The following PLPPR1 variants were observed in gnomAD, a reference collection of about 807,000 sequenced individuals.
PLPPR1 encodes the protein phospholipid phosphatase related 1.
In PLPPR1, 10 loss-of-function variants were observed where a neutral mutation model predicts 33.1. The ratio of observed to expected loss-of-function variants is 0.30; its 90% CI spans 0.19 to 0.51. The LOEUF (loss-of-function observed/expected upper bound fraction) is 0.51, where lower values mean the gene tolerates loss of function less well. Ranked by LOEUF, PLPPR1 falls within the 20% of genes least tolerant of loss-of-function variation. The pLI, the probability that PLPPR1 is intolerant of heterozygous loss-of-function variation, is 0.97. For synonymous variants in PLPPR1, 151 were observed against 151.0 expected (o/e 1.00, Z 0.00); for missense variants, 304 against 408.1 (o/e 0.74, Z 2.20).
chr9:101,180,129 TATATATATATATATACACACACAC>T (rs1564167564), intron 1 of PLPPR1, among the ~76,000 whole-genome samples: 11 of 36,142 alleles, frequency 3.0e-4, no homozygotes, highest in African/African-American at 5.8e-4. Context: ...TATATATATA[TATATATATATATATACACACACAC>T]ACACACACAT....
At chr9:101,033,387 G>GGGT (rs959340589) in intron 1 of PLPPR1, among the ~76,000 whole-genome samples, 32 of 152,212 alleles carry the variant, frequency 2.1e-4, no homozygotes, top group Middle Eastern at 3.4e-3. Flanking sequence ...ATTGATTTTG[G>GGGT]GGTGACACCA....
At chr9:101,046,475 T>C (rs1418135891) in intron 1 of PLPPR1, among the ~76,000 whole-genome samples, 1 of 145,088 alleles carries the variant, frequency 6.9e-6, no homozygotes, top group Non-Finnish European at 1.5e-5. Context: ...AGTCTCGCCA[T>C]GTCGCCCAGG....
At chr9:101,296,909 C>T (rs1046906367) in intron 4 of PLPPR1, among the ~76,000 whole-genome samples, 1 of 151,864 alleles carries the variant, frequency 6.6e-6, no homozygotes, top group Non-Finnish European at 1.5e-5. Flanking sequence ...AACTAACCTG[C>T]ACATTGTGCA....
intron 2 of PLPPR1, among the ~76,000 whole-genome samples, chr9:101,255,748 A>C (rs1159286620): frequency 6.6e-6 from 1 of 152,180 alleles, no homozygotes; most frequent in Non-Finnish European, 1.5e-5. Context: ...AGAAAACAAC[A>C]TGCAACTGAG....
At chr9:101,215,522 CCCTG>C (rs1826776289) in intron 2 of PLPPR1, among the ~76,000 whole-genome samples, 1 of 152,044 alleles carries the variant, frequency 6.6e-6, no homozygotes, top group African/African-American at 2.4e-5. Flanking sequence ...CTCGTGATCC[CCCTG>C]CCTAAGTGCA....
intron 1 of PLPPR1, among the ~76,000 whole-genome samples, chr9:101,100,749 T>C (rs186349237): frequency 6.6e-6 from 1 of 151,728 alleles, no homozygotes; most frequent in Non-Finnish European, 1.5e-5. Context: ...TCCTAGTTCA[T>C]ATTTATCAAG....
intron 5 of PLPPR1, among the ~76,000 whole-genome samples, chr9:101,309,746 A>G (rs1828923617): frequency 6.6e-6 from 1 of 152,128 alleles, no homozygotes. Flanking sequence ...CAGTATAGCT[A>G]AGATCATACA....
At chr9:101,057,464 A>C (rs1221077156) in intron 1 of PLPPR1, among the ~76,000 whole-genome samples, 1 of 152,176 alleles carries the variant, frequency 6.6e-6, no homozygotes, top group African/African-American at 2.4e-5. Flanking sequence ...CTAGTGAAAA[A>C]TTTAGTATTT....
chr9:101,135,721 T>C (rs1302882327), intron 1 of PLPPR1, among the ~76,000 whole-genome samples: 1 of 152,218 alleles, frequency 6.6e-6, no homozygotes, highest in Non-Finnish European at 1.5e-5. Context: ...AGGTTGCAGA[T>C]CTTATTGCTG....
At chr9:101,201,092 G>A (rs1826484311) in intron 2 of PLPPR1, among the ~76,000 whole-genome samples, 1 of 152,178 alleles carries the variant, frequency 6.6e-6, no homozygotes, top group Non-Finnish European at 1.5e-5. Flanking sequence ...TCTGGTAAGG[G>A]CTGCATCCTC....
Position 101,259,952 on chromosome 9 carries a change from G to A in PLPPR1, c.64-9928G>A, listed in dbSNP as rs536445791. Among the ~76,000 whole-genome samples the A allele has an allele frequency of 1.4e-4, 22 of 152,238 alleles. No homozygotes were observed. The South Asian group carries it at 2.3e-3, about 16-fold the overall frequency. Reference sequence around the variant, plus strand: ...CACAAGGCAATTCCTTGTGAGGGAGGCATGGAGCTTTTTAATCGTTTTTTA... The same window carrying A: ...CACAAGGCAATTCCTTGTGAGGGAGACATGGAGCTTTTTAATCGTTTTTTA... On this transcript the variant is annotated intron_variant, in intron 2 of 7. Coordinates refer to ENST00000374874, the MANE Select transcript of PLPPR1 (RefSeq NM_207299.2).
chr9:101,133,363 A>G (rs1200197611), intron 1 of PLPPR1, among the ~76,000 whole-genome samples: 1 of 152,190 alleles, frequency 6.6e-6, no homozygotes, highest in South Asian at 2.1e-4. Flanking sequence ...TTAAAGCACT[A>G]TAACTTGTAG....
chr9:101,321,033 G>C (rs1829140738), intron 7 of PLPPR1, among the ~76,000 whole-genome samples: 1 of 152,108 alleles, frequency 6.6e-6, no homozygotes, highest in Non-Finnish European at 1.5e-5. Flanking sequence ...TTTTTCCAAA[G>C]TAAATACCCC....
At chr9:101,299,352 G>T (rs1482641626) in intron 4 of PLPPR1, among the ~76,000 whole-genome samples, 2 of 152,172 alleles carry the variant, frequency 1.3e-5, no homozygotes, top group Non-Finnish European at 2.9e-5. Flanking sequence ...TGGGATTCAA[G>T]GATGCAGGGG....
At chr9:101,244,188 A>G (rs945070741) in intron 2 of PLPPR1, among the ~76,000 whole-genome samples, 8 of 151,960 alleles carry the variant, frequency 5.3e-5, no homozygotes, top group African/African-American at 1.9e-4. Flanking sequence ...AGATGATTTG[A>G]GAAGAGTGGA....
At chr9:101,288,092 A>G (rs1828427405) in intron 4 of PLPPR1, among the ~76,000 whole-genome samples, 1 of 152,202 alleles carries the variant, frequency 6.6e-6, no homozygotes, top group Non-Finnish European at 1.5e-5. Context: ...GGTCCAAGGA[A>G]TAAAAATTTT....
chr9:101,143,622 T>A (rs967386396), intron 1 of PLPPR1, among the ~76,000 whole-genome samples: 1 of 152,160 alleles, frequency 6.6e-6, no homozygotes, highest in Non-Finnish European at 1.5e-5. Flanking sequence ...GGGCGAAGGA[T>A]ATGAACAGAC....
At chr9:101,178,385 C>T (rs1023885972) in intron 1 of PLPPR1, among the ~76,000 whole-genome samples, 2 of 152,156 alleles carry the variant, frequency 1.3e-5, no homozygotes, top group Admixed American at 1.3e-4. Flanking sequence ...TATATTGGAC[C>T]TCTTCCATCA....
chr9:101,129,703 C>T (rs1030285675), intron 1 of PLPPR1, among the ~76,000 whole-genome samples: 7 of 151,978 alleles, frequency 4.6e-5, no homozygotes, highest in African/African-American at 9.7e-5. Context: ...TGGTGGCGGG[C>T]GCCTGTAGTC....
Sources: gnomAD v4.1 joint callset for allele counts (sites outside exome capture counted in the v4.1 genomes callset) on GRCh38, gnomAD v4.1.1 for gene constraint, MANE v1.5 for transcripts, NCBI Gene and HGNC (gene_info 2026-07-23, HGNC 2026-07-21) for gene names.